Variants in SEMA6D observed in about 807,000 individuals in gnomAD.
SEMA6D encodes the protein semaphorin 6D.
A neutral mutation model predicts 106.6 loss-of-function variants in SEMA6D; 35 were observed. The ratio of observed to expected loss-of-function variants is 0.33; its 90% CI spans 0.25 to 0.44. The LOEUF is 0.44. SEMA6D is among the 20% of genes least tolerant of loss of function. The pLI, the probability that SEMA6D is intolerant of heterozygous loss-of-function variation, is 1.00. For synonymous variants in SEMA6D, 499 were observed against 487.7 expected (o/e 1.02, Z -0.31); for missense variants, 1,185 against 1,345.9 (o/e 0.88, Z 1.87).
chr15:47,380,033 G>A lies in SEMA6D; in HGVS notation c.-238-32360G>A, dbSNP rs2039584053. The stretch of plus-strand genomic sequence containing the variant: ...GGCCTCCCAAAGTGCTGGGATTACA[G>A]GCGTGAGCCACCATGCCCGGCCAAG... On this transcript the variant is annotated intron_variant, in intron 1 of 19. Transcript: ENST00000558014. 2.0e-5 allele frequency among the ~76,000 whole-genome samples: 3 copies of A among 152,166 alleles called. No homozygotes were observed. In the South Asian group the frequency reaches 6.2e-4, roughly 32 times the overall value.
chr15:47,345,277 A>T (rs1348849451), intron 1 of SEMA6D, among the ~76,000 whole-genome samples: 1 of 152,194 alleles, frequency 6.6e-6, no homozygotes, highest in East Asian at 1.9e-4. Flanking sequence ...GTTTTGAAAA[A>T]GATAAACATA....
chr15:47,595,371 C>G (rs139807081), intron 3 of SEMA6D, among the ~76,000 whole-genome samples: 1 of 152,214 alleles, frequency 6.6e-6, no homozygotes, highest in African/African-American at 2.4e-5. Context: ...TATGATATTT[C>G]ACATCTATAG....
chr15:47,253,086 A>G (rs2033611377), intron 1 of SEMA6D, among the ~76,000 whole-genome samples: 1 of 152,052 alleles, frequency 6.6e-6, no homozygotes, highest in South Asian at 2.1e-4. Context: ...GATAATACCC[A>G]TTCTAACTGG....
intron 1 of SEMA6D, among the ~76,000 whole-genome samples, chr15:47,185,425 T>C (rs754929103): frequency 7.9e-5 from 12 of 152,214 alleles, no homozygotes; most frequent in South Asian, 2.1e-4. Context: ...TTAAGTGTTA[T>C]TGACAGCTGG....
chr15:47,458,145 G>A (rs1230020311), intron 2 of SEMA6D, among the ~76,000 whole-genome samples: 1 of 151,898 alleles, frequency 6.6e-6, no homozygotes, highest in East Asian at 1.9e-4. Context: ...CACTGAGAAT[G>A]TTAAAATTGT....
At chr15:47,586,150 A>G (rs1268218714) in intron 3 of SEMA6D, among the ~76,000 whole-genome samples, 1 of 152,238 alleles carries the variant, frequency 6.6e-6, no homozygotes, top group Admixed American at 6.5e-5. Context: ...ACACATAAAA[A>G]TGACAAAAAG....
At chr15:47,367,843 G>A (rs996633546) in intron 1 of SEMA6D, among the ~76,000 whole-genome samples, 2 of 152,164 alleles carry the variant, frequency 1.3e-5, no homozygotes, top group African/African-American at 4.8e-5. Flanking sequence ...ATTAAAGAAT[G>A]TTGGAGCGAT....
At chr15:47,335,201 A>G (rs1231511640) in intron 1 of SEMA6D, among the ~76,000 whole-genome samples, 2 of 152,200 alleles carry the variant, frequency 1.3e-5, no homozygotes, top group East Asian at 1.9e-4. Flanking sequence ...GATGGGTATC[A>G]TAAACTCCCT....
intron 1 of SEMA6D, among the ~76,000 whole-genome samples, chr15:47,317,087 T>G (rs957096311): frequency 2.0e-5 from 3 of 152,216 alleles, no homozygotes; most frequent in African/African-American, 7.2e-5. Flanking sequence ...AATTTCTTTA[T>G]AGATATAGGC....
chr15:47,219,564 A>T (rs755238265), intron 1 of SEMA6D, among the ~76,000 whole-genome samples: 1 of 152,166 alleles, frequency 6.6e-6, no homozygotes, highest in Non-Finnish European at 1.5e-5. Context: ...TTTTTATGCC[A>T]TGTTCATTCT....
rs1894660185 is a variant in SEMA6D at position 47,200,628 on chromosome 15, TAA to T, written c.-239+16212_-239+16213del. Among the ~76,000 whole-genome samples the T allele has an allele frequency of 2.0e-5, 3 of 152,288 alleles. No individual in the cohort carries two copies. In the South Asian group the frequency reaches 6.2e-4, roughly 32 times the overall value. Reference sequence around the variant, plus strand: ...TCTAACCAGCTTTAAATTTATGTAGTAAAGTCATTAAAAGTTTCTATCTGGTA... The same window carrying T: ...TCTAACCAGCTTTAAATTTATGTAGTAGTCATTAAAAGTTTCTATCTGGTA... On this transcript the variant is annotated intron_variant, in intron 1 of 19. Coordinates refer to the SEMA6D transcript ENST00000558014.
chr15:47,344,864 T>A (rs1401365049), intron 1 of SEMA6D, among the ~76,000 whole-genome samples: 1 of 152,184 alleles, frequency 6.6e-6, no homozygotes, highest in African/African-American at 2.4e-5. Context: ...AGTTATATAA[T>A]AAAATATCAA....
rs1190026363 is a variant in SEMA6D, at chr15:47,771,871, C to T, written c.*86C>T. ...TGTAAGGGTACCTTAAAACAAGAGA[C>T]TCGCTTGTATTTTAAGAGAACCAAG... On this transcript the variant is annotated 3_prime_UTR_variant, in exon 19 of 19. Coordinates refer to ENST00000536845, the MANE Select transcript of SEMA6D (RefSeq NM_001358351.3). 4.4e-6 allele frequency: 6 copies of T among 1,348,506 alleles called. No homozygotes were observed. Among genetic ancestry groups the T allele is most frequent in the Non-Finnish European group, 6.1e-6 (6 of 980,864 alleles). The allele number at this position is 1,348,506 out of a possible 1,614,324, so 83.5% of individuals were successfully genotyped here. A position where few individuals can be genotyped will look rare whatever the true frequency, so the allele number is the denominator to read the frequency against.
At chr15:47,308,699 A>G (rs2036324758) in intron 1 of SEMA6D, among the ~76,000 whole-genome samples, 1 of 152,186 alleles carries the variant, frequency 6.6e-6, no homozygotes, top group Non-Finnish European at 1.5e-5. Context: ...AAGAACTATA[A>G]TGATCACTGA....
chr15:47,401,203 G>A (rs1231759593), intron 1 of SEMA6D, among the ~76,000 whole-genome samples: 4 of 151,926 alleles, frequency 2.6e-5, no homozygotes, highest in Non-Finnish European at 4.4e-5. Flanking sequence ...ATTCCTTTGC[G>A]TCTTACTTCT....
intron 1 of SEMA6D, among the ~76,000 whole-genome samples, chr15:47,321,753 G>A (rs999831095): frequency 6.6e-6 from 1 of 152,050 alleles, no homozygotes. Context: ...TTAGCTACTG[G>A]TTATTTTTAT....
chr15:47,190,986 A>G (rs1407787413), intron 1 of SEMA6D, among the ~76,000 whole-genome samples: 1 of 152,102 alleles, frequency 6.6e-6, no homozygotes, highest in Non-Finnish European at 1.5e-5. Flanking sequence ...CTGTGGCAAC[A>G]TTCGGAGACC....
chr15:47,342,655 A>G (rs1213477235), intron 1 of SEMA6D, among the ~76,000 whole-genome samples: 1 of 152,164 alleles, frequency 6.6e-6, no homozygotes, highest in Non-Finnish European at 1.5e-5. Context: ...GTGATTACTA[A>G]AATAACTTTT....
At chr15:47,654,055 A>G (rs970746575) in intron 4 of SEMA6D, among the ~76,000 whole-genome samples, 1 of 152,202 alleles carries the variant, frequency 6.6e-6, no homozygotes, top group African/African-American at 2.4e-5. Flanking sequence ...GTGATTATGA[A>G]TCTTCTACAA....
Sources: allele counts gnomAD v4.1 joint callset (sites outside exome capture counted in the v4.1 genomes callset), GRCh38; gene constraint gnomAD v4.1.1; transcripts MANE v1.5; gene names NCBI Gene and HGNC (gene_info 2026-07-23, HGNC 2026-07-21).